ELMO1: variants seen among roughly 807,000 people sequenced by gnomAD.
ELMO1 encodes engulfment and cell motility protein 1.
In ELMO1, 26 loss-of-function variants were observed where a neutral mutation model predicts 98.9. The ratio of observed to expected loss-of-function variants is 0.26; its 90% confidence interval spans 0.19 to 0.36. The LOEUF is 0.36. ELMO1 is among the 10% of genes least tolerant of loss of function. The probability of loss-of-function intolerance (pLI) is 1.00; values close to 1 mark genes in which losing one functional copy is unlikely to be tolerated. For synonymous variants in ELMO1, 346 were observed against 346.0 expected (o/e 1.00, Z 0.00); for missense variants, 627 against 935.2 (o/e 0.67, Z 4.30).
intron 16 of ELMO1, among the ~76,000 whole-genome samples, chr7:36,913,462 G>T (rs1405196514): frequency 6.6e-6 from 1 of 152,232 alleles, no homozygotes; most frequent in Non-Finnish European, 1.5e-5. Context: ...GCAAAAGTGA[G>T]TTGAGTTCTG....
At chr7:37,407,709 A>T (rs1803831466) in intron 1 of ELMO1, among the ~76,000 whole-genome samples, 1 of 152,162 alleles carries the variant, frequency 6.6e-6, no homozygotes, top group Non-Finnish European at 1.5e-5. Flanking sequence ...GATTTTTAGG[A>T]CAGTAAAATT....
At chr7:37,430,266 C>T (rs1420232051) in intron 1 of ELMO1, among the ~76,000 whole-genome samples, 2 of 152,196 alleles carry the variant, frequency 1.3e-5, no homozygotes, top group Admixed American at 6.5e-5. Context: ...GGGTTTCTGC[C>T]TGCATGAGAG....
At chr7:37,145,908 A>G (rs1461412217) in intron 13 of ELMO1, among the ~76,000 whole-genome samples, 2 of 152,196 alleles carry the variant, frequency 1.3e-5, no homozygotes, top group African/African-American at 4.8e-5. Flanking sequence ...AAAAGAGGTC[A>G]TCTAGGAACT....
chr7:37,064,657 C>T (rs1179237097), intron 15 of ELMO1, among the ~76,000 whole-genome samples: 1 of 152,146 alleles, frequency 6.6e-6, no homozygotes. Flanking sequence ...AATCTTGGTT[C>T]TCTCCTCTCT....
intron 13 of ELMO1, among the ~76,000 whole-genome samples, chr7:37,155,293 A>T (rs940045470): frequency 2.0e-5 from 3 of 152,184 alleles, no homozygotes; most frequent in Non-Finnish European, 4.4e-5. Context: ...GACAGTATCA[A>T]ATTCACACAT....
At chr7:37,336,931 T>G (rs1432627476) in intron 2 of ELMO1, among the ~76,000 whole-genome samples, 1 of 151,984 alleles carries the variant, frequency 6.6e-6, no homozygotes, top group Non-Finnish European at 1.5e-5. Context: ...ACAGAAGAGT[T>G]CACTGTTGAA....
At chr7:37,225,960 T>A (rs145234038) in intron 8 of ELMO1, among the ~76,000 whole-genome samples, 10 of 152,300 alleles carry the variant, frequency 6.6e-5, no homozygotes, top group Admixed American at 2.6e-4. Context: ...CTCTTGCTGC[T>A]TCCCCCCTGT....
At chr7:37,378,751 C>CT (rs11308736) in intron 1 of ELMO1, among the ~76,000 whole-genome samples, 29 of 149,932 alleles carry the variant, frequency 1.9e-4, no homozygotes, top group African/African-American at 4.2e-4. Flanking sequence ...CATTCCTGAT[C>CT]TTTTTTTTTT....
At chr7:37,341,049 G>A (rs1800686236) in intron 2 of ELMO1, among the ~76,000 whole-genome samples, 1 of 152,156 alleles carries the variant, frequency 6.6e-6, no homozygotes, top group Non-Finnish European at 1.5e-5. Flanking sequence ...CTACACACAG[G>A]GATACCCTGG....
Position 36,919,211 on chromosome 7 carries a change from T to C in ELMO1, c.1438-24194A>G, listed in dbSNP as rs73340222. 7.2e-3 allele frequency: 2,124 copies of C among 294,810 alleles called. 36 individuals are homozygous for C. The highest frequency in any genetic ancestry group is 0.041 in the African/African-American group (1,942 of 47,512). 18.3% of individuals were successfully genotyped at this position (294,810 alleles called of 1,614,324 possible). ...AGAATGTAACTCTGTTGAATGTCACTATGTGCTCCATGTTATCCAGCATTT... is the reference window on the plus strand; with the variant it reads ...AGAATGTAACTCTGTTGAATGTCACCATGTGCTCCATGTTATCCAGCATTT... On this transcript the variant is annotated intron_variant, in intron 16 of 21. Transcript: ENST00000310758.
intron 16 of ELMO1, among the ~76,000 whole-genome samples, chr7:36,998,891 G>A (rs1792421418): frequency 6.6e-6 from 1 of 151,988 alleles, no homozygotes; most frequent in South Asian, 2.1e-4. Context: ...CAGAAACCGA[G>A]CTGCAGGGGC....
At chr7:36,957,684 T>G (rs1788582605) in intron 16 of ELMO1, among the ~76,000 whole-genome samples, 1 of 152,242 alleles carries the variant, frequency 6.6e-6, no homozygotes, top group Non-Finnish European at 1.5e-5. Context: ...CACCATCTTG[T>G]GTCTTTCCAA....
At chr7:37,286,794 A>AGAAC (rs1194037870) in intron 4 of ELMO1, among the ~76,000 whole-genome samples, 2 of 152,220 alleles carry the variant, frequency 1.3e-5, no homozygotes, top group African/African-American at 4.8e-5. Context: ...GATGTCTTAG[A>AGAAC]GAACTCTGGT....
At chr7:37,060,679 C>A (rs907962323) in intron 15 of ELMO1, among the ~76,000 whole-genome samples, 1 of 152,166 alleles carries the variant, frequency 6.6e-6, no homozygotes, top group Non-Finnish European at 1.5e-5. Flanking sequence ...TAACAAAAAA[C>A]CCAAGTGACC....
intron 1 of ELMO1, among the ~76,000 whole-genome samples, chr7:37,446,753 T>C (rs1265253360): frequency 6.6e-6 from 1 of 152,136 alleles, no homozygotes; most frequent in Admixed American, 6.5e-5. Flanking sequence ...TGTTCTCCAG[T>C]TCAGTACCCT....
At chr7:36,915,101 A>ATACT (rs1015857277) in intron 16 of ELMO1, among the ~76,000 whole-genome samples, 72 of 151,996 alleles carry the variant, frequency 4.7e-4, no homozygotes, top group Non-Finnish European at 1.8e-4. Flanking sequence ...AAAAATATAT[A>ATACT]TACTTTAAGA....
intron 14 of ELMO1, among the ~76,000 whole-genome samples, chr7:37,120,000 T>C (rs1785895025): frequency 1.3e-5 from 2 of 152,226 alleles, no homozygotes; most frequent in South Asian, 2.1e-4. Flanking sequence ...CAAAAAAGAA[T>C]TGCCAGATAT....
At chr7:37,343,794 A>T (rs568975965) in intron 1 of ELMO1, among the ~76,000 whole-genome samples, 1 of 151,956 alleles carries the variant, frequency 6.6e-6, no homozygotes, top group South Asian at 2.1e-4. Context: ...TTTAAAATTA[A>T]TTTTTTGTTA....
At chr7:37,269,967 G>A (rs930137958) in intron 5 of ELMO1, 1 of 152,124 alleles carries the variant, frequency 6.6e-6, no homozygotes, top group Non-Finnish European at 1.5e-5. Context: ...TAAATCCACA[G>A]CAGTAAAAAA....
Sources: gnomAD v4.1 joint callset for allele counts (sites outside exome capture counted in the v4.1 genomes callset) on GRCh38, gnomAD v4.1.1 for gene constraint, MANE v1.5 for transcripts, NCBI Gene and HGNC (gene_info 2026-07-23, HGNC 2026-07-21) for gene names.